The following EML4 variants were observed in gnomAD, a reference collection of about 807,000 sequenced individuals.
EML4 encodes the protein EMAP like 4.
A neutral mutation model predicts 129.0 loss-of-function variants in EML4; 72 were observed. The observed-to-expected ratio is 0.56, with a 90% CI of 0.46 to 0.68. The LOEUF (loss-of-function observed/expected upper bound fraction) is 0.68. Ranked by LOEUF, EML4 falls within the 30% of genes least tolerant of loss-of-function variation. EML4 has a pLI of 0.00. For synonymous variants in EML4, 532 were observed against 405.0 expected (o/e 1.31, Z -3.77); for missense variants, 1,363 against 1,190.6 (o/e 1.14, Z -2.13).
intron 1 of EML4, among the ~76,000 whole-genome samples, chr2:42,193,383 A>G (rs544599958): frequency 6.6e-6 from 1 of 152,200 alleles, no homozygotes; most frequent in East Asian, 1.9e-4. Flanking sequence ...TGAAGGAAAA[A>G]TTAGTAGAAG....
chr2:42,190,479 G>T (rs1195958022), intron 1 of EML4, among the ~76,000 whole-genome samples: 1 of 152,186 alleles, frequency 6.6e-6, no homozygotes, highest in East Asian at 1.9e-4. Context: ...TAGTTTTTCA[G>T]CTTGATCAAC....
Position 42,303,155 on chromosome 2 carries a change from C to G in EML4, c.1693C>G (p.Gln565Glu). 1.9e-6 allele frequency: 3 copies of G among 1,614,028 alleles called. No individual in the cohort carries two copies. In the South Asian group the frequency reaches 3.3e-5, roughly 18 times the overall value. ...IRAVAEGKAD[Q>E]FLVGTSRNFI... ...AGCTGTAGCAGAAGGAAAGGCAGAT[C>G]AATTTTTAGTAGGCACATCACGAAA... Residue 565 changes from glutamine (Q) to glutamate (E), a missense_variant, in exon 15 of 23, where the codon CAA (glutamine) becomes GAA (glutamate). Gln to Glu is a conservative substitution (Grantham distance 29). Coordinates refer to ENST00000318522, the MANE Select transcript of EML4 (RefSeq NM_019063.5).
chr2:42,218,091 G>C (rs902919276), intron 1 of EML4, among the ~76,000 whole-genome samples: 1 of 152,182 alleles, frequency 6.6e-6, no homozygotes, highest in Admixed American at 6.5e-5. Flanking sequence ...CAGTGGGTGA[G>C]TGAGCAAAGC....
chr2:42,296,471 TTA>T (rs10604697), intron 13 of EML4, among the ~76,000 whole-genome samples: 47,927 of 149,196 alleles, frequency 0.32, 8,693 homozygotes, highest in African/African-American at 0.5. Context: ...GAACAACACC[TTA>T]TACTTCTCTC....
In EML4 at chr2:42,275,839, A is replaced by G. The variant is rs1001473707; in HGVS notation, c.668-5011A>G. ...TGAATACCTCATACTGTGTTTAACT[A>G]TCATGAGGCAGGTAGTTTTCCTCAC... On this transcript the variant is annotated intron_variant, in intron 6 of 22. Transcript: ENST00000318522. Among the ~76,000 whole-genome samples the G allele has an allele frequency of 2.6e-5, 4 of 152,168 alleles. No homozygotes were observed. The East Asian group carries it at 5.8e-4, about 22-fold the overall frequency.
chr2:42,206,915 AT>A (rs1255631213), intron 1 of EML4, among the ~76,000 whole-genome samples: 4 of 152,148 alleles, frequency 2.6e-5, no homozygotes, highest in Non-Finnish European at 4.4e-5. Flanking sequence ...TCTTTAGCTA[AT>A]TTCTACATCT....
chr2:42,231,306 G>A (rs1674326942), intron 1 of EML4, among the ~76,000 whole-genome samples: 1 of 152,104 alleles, frequency 6.6e-6, no homozygotes, highest in African/African-American at 2.4e-5. Flanking sequence ...GATAACTTTG[G>A]CCCTATTCCT....
At chr2:42,300,717 G>C (rs184347451) in intron 13 of EML4, among the ~76,000 whole-genome samples, 3 of 152,164 alleles carry the variant, frequency 2.0e-5, no homozygotes, top group Non-Finnish European at 4.4e-5. Context: ...AACGTTAAAC[G>C]TTGTGACTGT....
chr2:42,252,466 A>C (rs567033316), intron 2 of EML4, among the ~76,000 whole-genome samples: 1 of 152,198 alleles, frequency 6.6e-6, no homozygotes, highest in Non-Finnish European at 1.5e-5. Flanking sequence ...TCACATGGCT[A>C]CTAGAGGGTA....
At chr2:42,180,560 C>A (rs949663245) in intron 1 of EML4, among the ~76,000 whole-genome samples, 1 of 152,202 alleles carries the variant, frequency 6.6e-6, no homozygotes, top group East Asian at 1.9e-4. Flanking sequence ...CCTGTCTTTG[C>A]AACCTTTACC....
chr2:42,286,006 T>C (rs1238773609), intron 9 of EML4: 3 of 495,446 alleles, frequency 6.1e-6, no homozygotes, highest in Non-Finnish European at 1.1e-5. Context: ...CTGTAGTGCA[T>C]AGGATTAAAT....
chr2:42,269,999 A>T (rs967014229), intron 6 of EML4, among the ~76,000 whole-genome samples: 1 of 152,186 alleles, frequency 6.6e-6, no homozygotes, highest in African/African-American at 2.4e-5. Flanking sequence ...GAGTTAGATA[A>T]CTCATAACTT....
At position 42,317,571 on chromosome 2, in the gene EML4, C is replaced by A. The variant is rs114943085; in HGVS notation, c.2154+47C>A. 1,920 of 1,401,474 alleles carry A rather than the reference C, an allele frequency of 1.4e-3. 4 individuals are homozygous for A. The highest frequency in any genetic ancestry group is 1.8e-3 in the Non-Finnish European group (1,828 of 1,008,220). 86.8% of individuals were successfully genotyped at this position (1,401,474 alleles called of 1,614,324 possible). ...GTTGTAAAATTATTGGGAAATTTTA[C>A]TTCCGTTAAAAACAAATTTTTACAT... is the stretch of plus-strand genomic sequence containing the variant. On this transcript the variant is annotated intron_variant, in intron 19 of 22. Transcript: ENST00000318522.
At chr2:42,204,260 C>T (rs1488674414) in intron 1 of EML4, among the ~76,000 whole-genome samples, 1 of 152,072 alleles carries the variant, frequency 6.6e-6, no homozygotes, top group African/African-American at 2.4e-5. Context: ...AGTTTTAGAA[C>T]CATTAGATGA....
At chr2:42,306,541 G>A (rs142866386) in intron 17 of EML4, among the ~76,000 whole-genome samples, 4,923 of 120,166 alleles carry the variant, frequency 0.041, 650 homozygotes, top group Admixed American at 0.32. Flanking sequence ...CACCCAAGCT[G>A]GAGTGCAATG....
intron 1 of EML4, among the ~76,000 whole-genome samples, chr2:42,212,557 C>T (rs978482579): frequency 2.6e-5 from 4 of 152,056 alleles, no homozygotes; most frequent in East Asian, 1.9e-4. Context: ...AAAACCTTCC[C>T]TTCCTCAGCT....
chr2:42,254,100 AT>A (rs762156480), intron 2 of EML4, among the ~76,000 whole-genome samples: 9 of 152,214 alleles, frequency 5.9e-5, no homozygotes, highest in Non-Finnish European at 1.2e-4. Flanking sequence ...AGTGGGCAAA[AT>A]GTTTGAGCAA....
chr2:42,315,829 G>A, intron 17 of EML4, 133 bp from the exon 18 acceptor site: 1 of 639,328 alleles, frequency 1.6e-6, no homozygotes, highest in Non-Finnish European at 2.8e-6. Context: ...GCTGTGGTGA[G>A]CTAGGATCAC....
chr2:42,206,515 G>C (rs1043401309), intron 1 of EML4, among the ~76,000 whole-genome samples: 3 of 152,152 alleles, frequency 2.0e-5, no homozygotes, highest in African/African-American at 7.2e-5. Flanking sequence ...CACCCAGCCT[G>C]CATTTAGTTT....
Sources: gnomAD v4.1 joint callset for allele counts (sites outside exome capture counted in the v4.1 genomes callset) on GRCh38, gnomAD v4.1.1 for gene constraint, MANE v1.5 for transcripts, NCBI Gene and HGNC (gene_info 2026-07-23, HGNC 2026-07-21) for gene names.